Variants in GRIK2 observed in about 807,000 individuals in gnomAD.
GRIK2 encodes the protein glutamate ionotropic receptor kainate type subunit 2, also known as glutamate receptor ionotropic, kainate 2.
In GRIK2, 32 loss-of-function variants were observed where a neutral mutation model predicts 100.3. The ratio of observed to expected loss-of-function variants is 0.32; its 90% CI spans 0.24 to 0.43. GRIK2 has a LOEUF of 0.43. Among genes scored for constraint, GRIK2 ranks in the 20% least tolerant of loss-of-function variants. GRIK2 has a pLI of 1.00. For synonymous variants in GRIK2, 417 were observed against 389.4 expected, an observed-to-expected ratio of 1.07 and a Z score of -0.83; for missense variants, 843 against 1,114.9, an observed-to-expected ratio of 0.76 and a Z score of 3.47.
At chr6:101,750,515 T>TA (rs1562356198) in intron 7 of GRIK2, among the ~76,000 whole-genome samples, 1 of 152,234 alleles carries the variant, frequency 6.6e-6, no homozygotes, top group African/African-American at 2.4e-5. Context: ...CTCAGTGGCA[T>TA]AGCTAGTATT....
At chr6:101,544,139 T>C (rs1029113631) in intron 2 of GRIK2, among the ~76,000 whole-genome samples, 2 of 152,130 alleles carry the variant, frequency 1.3e-5, no homozygotes, top group Non-Finnish European at 2.9e-5. Flanking sequence ...GTAACCAATA[T>C]AGTTTTTTCT....
chr6:101,590,223 A>C (rs926605930), intron 2 of GRIK2, among the ~76,000 whole-genome samples: 3 of 152,066 alleles, frequency 2.0e-5, no homozygotes, highest in African/African-American at 7.2e-5. Flanking sequence ...TCAGCTCCAA[A>C]TCTACTCTTC....
chr6:102,051,345 G>A (rs1771185261), intron 15 of GRIK2, among the ~76,000 whole-genome samples: 1 of 133,856 alleles, frequency 7.5e-6, no homozygotes, highest in Non-Finnish European at 1.5e-5. Context: ...TTTTTTACTT[G>A]GTAAAAGGGA....
intron 2 of GRIK2, among the ~76,000 whole-genome samples, chr6:101,560,607 A>G (rs961351391): frequency 6.6e-6 from 1 of 152,144 alleles, no homozygotes; most frequent in Non-Finnish European, 1.5e-5. Context: ...AACAATATAT[A>G]CTGTTAAAAC....
At chr6:101,645,562 T>G (rs1781487845) in intron 4 of GRIK2, among the ~76,000 whole-genome samples, 1 of 151,970 alleles carries the variant, frequency 6.6e-6, no homozygotes. Flanking sequence ...CTTGATACCT[T>G]CAAAATATAA....
At chr6:101,728,350 A>G (rs1775018589) in intron 7 of GRIK2, among the ~76,000 whole-genome samples, 1 of 152,108 alleles carries the variant, frequency 6.6e-6, no homozygotes, top group South Asian at 2.1e-4. Context: ...ATGTCATTAA[A>G]TTCTATCAGT....
intron 4 of GRIK2, among the ~76,000 whole-genome samples, chr6:101,668,495 C>T (rs181029355): frequency 6.6e-6 from 1 of 152,122 alleles, no homozygotes; most frequent in East Asian, 1.9e-4. Context: ...CTGTAGCCCA[C>T]ATACATTCTA....
chr6:101,488,330 T>C (rs1333756288), intron 2 of GRIK2, among the ~76,000 whole-genome samples: 2 of 146,942 alleles, frequency 1.4e-5, no homozygotes, highest in East Asian at 1.9e-4. Context: ...ATAGGTTACA[T>C]AGGCAGAGAA....
At chr6:101,462,780 A>T (rs993187301) in intron 2 of GRIK2, among the ~76,000 whole-genome samples, 2 of 152,308 alleles carry the variant, frequency 1.3e-5, no homozygotes, top group Admixed American at 6.5e-5. Context: ...CTGATTGCTC[A>T]TCCCACATGA....
At chr6:101,958,500 A>T (rs1420692812) in intron 14 of GRIK2, among the ~76,000 whole-genome samples, 2 of 151,924 alleles carry the variant, frequency 1.3e-5, no homozygotes, top group Non-Finnish European at 2.9e-5. Flanking sequence ...CTCTTTTCCA[A>T]TTTGGATGCC....
At chr6:101,945,696 AG>A (rs1791229477) in intron 14 of GRIK2, among the ~76,000 whole-genome samples, 1 of 152,192 alleles carries the variant, frequency 6.6e-6, no homozygotes, top group Non-Finnish European at 1.5e-5. Context: ...GAGTATTTAA[AG>A]GGATCACAAA....
chr6:101,978,678 T>C (rs1793542516), intron 14 of GRIK2, among the ~76,000 whole-genome samples: 1 of 151,960 alleles, frequency 6.6e-6, no homozygotes, highest in South Asian at 2.1e-4. Context: ...ATAGAAATAT[T>C]ATGAAAAAGT....
intron 7 of GRIK2, among the ~76,000 whole-genome samples, chr6:101,763,891 C>T (rs1453642573): frequency 6.6e-6 from 1 of 151,524 alleles, no homozygotes; most frequent in Non-Finnish European, 1.5e-5. Flanking sequence ...TGTTTGCTTC[C>T]AGTATTTAAA....
At position 101,638,853 on chromosome 6, in the gene GRIK2, G is replaced by A. The variant is rs376485418; in HGVS notation, c.541+12216G>A. Among the ~76,000 whole-genome samples the A allele has an allele frequency of 3.9e-5, 6 of 152,098 alleles. No homozygotes were observed. In the East Asian group the frequency reaches 9.7e-4, roughly 24 times the overall value. On this transcript the variant is annotated intron_variant, in intron 4 of 16. Coordinates refer to ENST00000369134, the MANE Select transcript of GRIK2 (RefSeq NM_021956.5). ...AAAAAATTAATTAGCTAGGTGTGGTGGCACTCACCTGTAACCCCAGCTACT... is the reference window on the plus strand; with the variant it reads ...AAAAAATTAATTAGCTAGGTGTGGTAGCACTCACCTGTAACCCCAGCTACT...
chr6:101,729,187 A>G (rs1034302377), intron 7 of GRIK2, among the ~76,000 whole-genome samples: 1 of 152,042 alleles, frequency 6.6e-6, no homozygotes, highest in African/African-American at 2.4e-5. Flanking sequence ...CAACCATTTC[A>G]TTTAAAATGG....
chr6:101,590,483 G>GC (rs972016240), intron 2 of GRIK2, among the ~76,000 whole-genome samples: 7 of 151,922 alleles, frequency 4.6e-5, no homozygotes, highest in African/African-American at 1.7e-4. Context: ...AATTTCTCTA[G>GC]CACCCCAGCA....
At chr6:101,586,677 T>C (rs1414595660) in intron 2 of GRIK2, among the ~76,000 whole-genome samples, 1 of 151,522 alleles carries the variant, frequency 6.6e-6, no homozygotes, top group South Asian at 2.1e-4. Context: ...GAGACGAGCC[T>C]GGCCAATATG....
chr6:101,955,380 A>G (rs1791850685), intron 14 of GRIK2, among the ~76,000 whole-genome samples: 1 of 152,176 alleles, frequency 6.6e-6, no homozygotes, highest in Non-Finnish European at 1.5e-5. Flanking sequence ...GCCTGGGCAC[A>G]GTGGCTCATG....
intron 14 of GRIK2, among the ~76,000 whole-genome samples, chr6:102,009,666 C>A (rs1175535993): frequency 6.6e-6 from 1 of 152,160 alleles, no homozygotes; most frequent in Non-Finnish European, 1.5e-5. Context: ...CCTTATCAAA[C>A]TAATGAGTTT....
Sources: allele counts gnomAD v4.1 joint callset (sites outside exome capture counted in the v4.1 genomes callset), GRCh38; gene constraint gnomAD v4.1.1; transcripts MANE v1.5; gene names NCBI Gene and HGNC (gene_info 2026-07-23, HGNC 2026-07-21).